Variants in ASIC2 observed in about 807,000 individuals in gnomAD.
ASIC2 encodes acid-sensing ion channel 2.
In ASIC2, 25 loss-of-function variants were observed where a neutral mutation model predicts 57.3. The ratio of observed to expected loss-of-function variants is 0.44; its 90% CI spans 0.32 to 0.61. The LOEUF is 0.61. Ranked by LOEUF, ASIC2 falls within the 20% of genes least tolerant of loss-of-function variation. ASIC2 has a pLI of 0.06. For synonymous variants in ASIC2, 319 were observed against 307.5 expected (o/e 1.04, Z -0.39); for missense variants, 641 against 738.1 (o/e 0.87, Z 1.52).
At chr17:34,011,978 T>C (rs1416663063) in intron 1 of ASIC2, among the ~76,000 whole-genome samples, 1 of 152,168 alleles carries the variant, frequency 6.6e-6, no homozygotes, top group Non-Finnish European at 1.5e-5. Context: ...CACTCATGGT[T>C]CCTGCAGGCA....
At chr17:33,153,247 C>T (rs1191785568) in intron 1 of ASIC2, among the ~76,000 whole-genome samples, 3 of 152,232 alleles carry the variant, frequency 2.0e-5, no homozygotes, top group Non-Finnish European at 4.4e-5. Context: ...CTCCCCGATG[C>T]TCTGCCAGCT....
At chr17:34,094,114 G>A (rs1228503009) in intron 1 of ASIC2, among the ~76,000 whole-genome samples, 1 of 152,168 alleles carries the variant, frequency 6.6e-6, no homozygotes, top group Non-Finnish European at 1.5e-5. Context: ...AAACATTCTG[G>A]TGATTGCGGA....
At chr17:33,060,877 A>G (rs191182984) in intron 3 of ASIC2, among the ~76,000 whole-genome samples, 21 of 152,206 alleles carry the variant, frequency 1.4e-4, no homozygotes, top group Admixed American at 3.3e-4. Flanking sequence ...GGTCCTTCTC[A>G]TCCCTTGTAA....
intron 3 of ASIC2, among the ~76,000 whole-genome samples, chr17:33,029,990 G>T (rs1040436859): frequency 6.6e-6 from 1 of 152,166 alleles, no homozygotes; most frequent in Non-Finnish European, 1.5e-5. Flanking sequence ...CTTTTGGGTT[G>T]TAAGAGTTGT....
intron 1 of ASIC2, among the ~76,000 whole-genome samples, chr17:33,403,219 A>C (rs541406338): frequency 6.6e-6 from 1 of 152,324 alleles, no homozygotes; most frequent in South Asian, 2.1e-4. Context: ...TATTCTCTTT[A>C]GCATCTTTAG....
At chr17:33,757,593 C>A (rs1184952674) in intron 1 of ASIC2, among the ~76,000 whole-genome samples, 8 of 152,228 alleles carry the variant, frequency 5.3e-5, no homozygotes, top group Admixed American at 3.3e-4. Flanking sequence ...ACATAGCTCT[C>A]AGCTGACCCC....
At chr17:33,894,361 G>C (rs1483636913) in intron 1 of ASIC2, among the ~76,000 whole-genome samples, 1 of 51,660 alleles carries the variant, frequency 1.9e-5, no homozygotes, top group Non-Finnish European at 4.3e-5. Context: ...GTGTGTGTGT[G>C]TGTGTGTGTG....
At chr17:34,100,078 CA>C (rs1392554040) in intron 1 of ASIC2, among the ~76,000 whole-genome samples, 1 of 152,124 alleles carries the variant, frequency 6.6e-6, no homozygotes, top group African/African-American at 2.4e-5. Context: ...GAACCGCAAA[CA>C]CATTGTCCCT....
At chr17:33,758,571 C>T (rs779872187) in intron 1 of ASIC2, among the ~76,000 whole-genome samples, 16 of 152,090 alleles carry the variant, frequency 1.1e-4, no homozygotes, top group Non-Finnish European at 2.1e-4. Context: ...GGTGATTGAA[C>T]AACAAGGGCT....
At chr17:33,609,501 G>C (rs1905328641) in intron 1 of ASIC2, among the ~76,000 whole-genome samples, 2 of 152,082 alleles carry the variant, frequency 1.3e-5, no homozygotes, top group Non-Finnish European at 2.9e-5. Flanking sequence ...TTCCTCCCTA[G>C]CTCATCCTTC....
chr17:33,895,593 A>G (rs191266599), intron 1 of ASIC2, among the ~76,000 whole-genome samples: 1 of 152,194 alleles, frequency 6.6e-6, no homozygotes, highest in South Asian at 2.1e-4. Context: ...AATAAAGCCA[A>G]TTTTGCCTCT....
chr17:33,018,680 A>G (rs2091820369), intron 7 of ASIC2, among the ~76,000 whole-genome samples: 1 of 152,212 alleles, frequency 6.6e-6, no homozygotes, highest in African/African-American at 2.4e-5. Flanking sequence ...GGCTTTCATA[A>G]GCCCTGACCT....
At chr17:33,989,433 T>C (rs992342413) in intron 1 of ASIC2, among the ~76,000 whole-genome samples, 3 of 151,794 alleles carry the variant, frequency 2.0e-5, no homozygotes, top group Non-Finnish European at 2.9e-5. Flanking sequence ...TTCCAGGAAA[T>C]TGGAAAAGAG....
At chr17:33,191,583 G>A (rs1362919215) in intron 1 of ASIC2, among the ~76,000 whole-genome samples, 1 of 151,702 alleles carries the variant, frequency 6.6e-6, no homozygotes, top group Non-Finnish European at 1.5e-5. Flanking sequence ...AGAAGGAGGA[G>A]GAGGACGAAG....
chr17:33,988,381 A>G (rs1360242084), intron 1 of ASIC2, among the ~76,000 whole-genome samples: 3 of 152,184 alleles, frequency 2.0e-5, no homozygotes, highest in Non-Finnish European at 4.4e-5. Flanking sequence ...ATGGTTTTAA[A>G]AGAGGAGTTC....
intron 1 of ASIC2, among the ~76,000 whole-genome samples, chr17:33,922,345 A>G (rs907963879): frequency 1.3e-5 from 2 of 151,926 alleles, no homozygotes; most frequent in Admixed American, 1.3e-4. Context: ...TTTGTAGGAT[A>G]ACCAACTTAT....
chr17:33,486,010 G>A (rs925643400), intron 1 of ASIC2, among the ~76,000 whole-genome samples: 2 of 152,158 alleles, frequency 1.3e-5, no homozygotes, highest in Admixed American at 6.5e-5. Context: ...CCTCACGGCT[G>A]TGCCTATAGC....
At chr17:33,964,824 G>A (rs1905030115) in intron 1 of ASIC2, among the ~76,000 whole-genome samples, 1 of 152,242 alleles carries the variant, frequency 6.6e-6, no homozygotes, top group South Asian at 2.1e-4. Flanking sequence ...AACTGAGGCT[G>A]GAGTCAGAAC....
chr17:33,442,684 T>C, intron 1 of ASIC2, among the ~76,000 whole-genome samples: 1 of 152,172 alleles, frequency 6.6e-6, no homozygotes. Flanking sequence ...TCTTGGTAGA[T>C]TCCACAGGCT....
Sources: allele counts gnomAD v4.1 joint callset (sites outside exome capture counted in the v4.1 genomes callset), GRCh38; gene constraint gnomAD v4.1.1; transcripts MANE v1.5; gene names NCBI Gene and HGNC (gene_info 2026-07-23, HGNC 2026-07-21).